The following TENM2 variants were observed in gnomAD, a reference collection of about 807,000 sequenced individuals.
TENM2 encodes teneurin transmembrane protein 2.
In TENM2, 52 loss-of-function variants were observed where a neutral mutation model predicts 245.2. That is an observed-to-expected ratio of 0.21 (90% confidence interval 0.17 to 0.27). The LOEUF (loss-of-function observed/expected upper bound fraction) is 0.27, where lower values mean the gene tolerates loss of function less well. Ranked by LOEUF, TENM2 falls within the 10% of genes least tolerant of loss-of-function variation. The probability of loss-of-function intolerance (pLI) is 1.00; values close to 1 mark genes in which losing one functional copy is unlikely to be tolerated. For missense variants in TENM2, 3,046 were observed against 3,666.8 expected (o/e 0.83, Z 4.37); for synonymous variants, 1,363 against 1,438.9 (o/e 0.95, Z 1.19).
At chr5:168,162,570 C>T in intron 12 of TENM2, 41 bp from the exon 15 acceptor site, 1 of 1,604,458 alleles carries the variant, frequency 6.2e-7, no homozygotes, top group Non-Finnish European at 8.5e-7. Flanking sequence ...CCAGCGCGGC[C>T]TCACGTCCCT....
chr5:167,546,443 T>C (rs771511877), intron 2 of TENM2, among the ~76,000 whole-genome samples: 4 of 152,222 alleles, frequency 2.6e-5, no homozygotes, highest in African/African-American at 4.8e-5. Flanking sequence ...ATCCTAGACC[T>C]GAAAGGAAAT....
At chr5:167,912,140 C>T (rs896148186) in intron 3 of TENM2, among the ~76,000 whole-genome samples, 4 of 151,964 alleles carry the variant, frequency 2.6e-5, no homozygotes, top group African/African-American at 9.7e-5. Context: ...ATCTTTTGAC[C>T]AACATCTACC....
At chr5:167,586,931 TTGTTAA>T (rs1304747167) in intron 2 of TENM2, among the ~76,000 whole-genome samples, 1 of 152,194 alleles carries the variant, frequency 6.6e-6, no homozygotes, top group African/African-American at 2.4e-5. Context: ...GCATGTAAGT[TTGTTAA>T]TGTTAATTAG....
intron 2 of TENM2, among the ~76,000 whole-genome samples, chr5:167,439,352 C>T (rs1351181791): frequency 6.6e-6 from 1 of 152,136 alleles, no homozygotes; most frequent in Non-Finnish European, 1.5e-5. Flanking sequence ...ACATGAATGG[C>T]GGGTTGCTTC....
chr5:167,184,621 T>G, the TENM2 span, among the ~76,000 whole-genome samples: 66 of 152,280 alleles, frequency 4.3e-4, no homozygotes, highest in African/African-American at 1.5e-3. Flanking sequence ...TATGTCCTCT[T>G]GAACATAGCC....
At chr5:167,696,089 A>G (rs1190771241) in intron 2 of TENM2, among the ~76,000 whole-genome samples, 1 of 152,064 alleles carries the variant, frequency 6.6e-6, no homozygotes, top group Non-Finnish European at 1.5e-5. Context: ...ACAAACAAAA[A>G]TATTAAGTAA....
chr5:167,402,055 A>G (rs1046669079), intron 2 of TENM2, among the ~76,000 whole-genome samples: 1 of 152,090 alleles, frequency 6.6e-6, no homozygotes, highest in African/African-American at 2.4e-5. Flanking sequence ...ATAAGAGAAT[A>G]TTGTCAGTAC....
chr5:168,113,861 G>A (rs1794866276), intron 9 of TENM2, among the ~76,000 whole-genome samples: 2 of 152,290 alleles, frequency 1.3e-5, no homozygotes, highest in South Asian at 2.1e-4. Context: ...AATGCACAAT[G>A]TTCTGCTCCC....
chr5:167,898,645 T>G (rs1775441072), intron 3 of TENM2, among the ~76,000 whole-genome samples: 1 of 152,148 alleles, frequency 6.6e-6, no homozygotes, highest in African/African-American at 2.4e-5. Flanking sequence ...ATTTAGTTGA[T>G]TACTGCAAGA....
chr5:167,670,084 T>G (rs1755835063), intron 2 of TENM2, among the ~76,000 whole-genome samples: 1 of 152,186 alleles, frequency 6.6e-6, no homozygotes, highest in Non-Finnish European at 1.5e-5. Flanking sequence ...CTTTCTACAT[T>G]TAAATTAGTC....
At chr5:167,579,574 T>C (rs1404689638) in intron 2 of TENM2, among the ~76,000 whole-genome samples, 1 of 152,230 alleles carries the variant, frequency 6.6e-6, no homozygotes, top group African/African-American at 2.4e-5. Context: ...TTGTCCTGAC[T>C]CACAGATCTG....
intron 2 of TENM2, among the ~76,000 whole-genome samples, chr5:167,457,327 A>ATTTTG (rs1216892077): frequency 1.4e-5 from 2 of 145,732 alleles, no homozygotes; most frequent in Non-Finnish European, 3.0e-5. Flanking sequence ...ATTTTATTTT[A>ATTTTG]TTTTATTTTA....
intron 5 of TENM2, among the ~76,000 whole-genome samples, chr5:168,036,559 A>T (rs1204112585): frequency 3.3e-5 from 5 of 150,788 alleles, no homozygotes; most frequent in African/African-American, 1.2e-4. Context: ...TCGCTTGAAC[A>T]TGGGAGGTGG....
At chr5:167,740,890 C>T (rs1761134160) in intron 2 of TENM2, among the ~76,000 whole-genome samples, 2 of 152,230 alleles carry the variant, frequency 1.3e-5, no homozygotes, top group East Asian at 1.9e-4. Context: ...CTACTGGGCT[C>T]CAACCACCTC....
intron 2 of TENM2, among the ~76,000 whole-genome samples, chr5:167,486,239 A>T (rs904972915): frequency 6.6e-6 from 1 of 152,306 alleles, no homozygotes; most frequent in South Asian, 2.1e-4. Flanking sequence ...GGATATAAAT[A>T]AAACAATAGA....
chr5:167,907,817 A>G (rs957233758), intron 3 of TENM2, among the ~76,000 whole-genome samples: 1 of 151,916 alleles, frequency 6.6e-6, no homozygotes, highest in Non-Finnish European at 1.5e-5. Flanking sequence ...GCCCCACCAC[A>G]GAGATAAAAG....
intron 2 of TENM2, among the ~76,000 whole-genome samples, chr5:167,695,483 C>T (rs927465324): frequency 2.0e-5 from 3 of 151,932 alleles, no homozygotes; most frequent in African/African-American, 7.3e-5. Flanking sequence ...AATCCTTGGG[C>T]CAGTTTGCAG....
the TENM2 span, among the ~76,000 whole-genome samples, chr5:167,051,322 T>C: frequency 6.6e-6 from 1 of 152,162 alleles, no homozygotes; most frequent in East Asian, 1.9e-4. Flanking sequence ...ATGTTAACTT[T>C]CCAGGAAAAC....
intron 3 of TENM2, among the ~76,000 whole-genome samples, chr5:167,916,893 C>T (rs1017406628): frequency 6.6e-6 from 1 of 152,206 alleles, no homozygotes; most frequent in Non-Finnish European, 1.5e-5. Flanking sequence ...CTGATCTCAG[C>T]ATTGTTGCCC....
Sources: allele counts gnomAD v4.1 joint callset (sites outside exome capture counted in the v4.1 genomes callset), GRCh38; gene constraint gnomAD v4.1.1; transcripts MANE v1.5; gene names NCBI Gene and HGNC (gene_info 2026-07-23, HGNC 2026-07-21).